VAMP4: variants seen among roughly 807,000 people sequenced by gnomAD.
The protein encoded by VAMP4 is vesicle associated membrane protein 4, also known as vesicle-associated membrane protein 4.
A neutral mutation model predicts 23.5 loss-of-function variants in VAMP4; 19 were observed. The ratio of observed to expected loss-of-function variants is 0.81; its 90% confidence interval spans 0.56 to 1.19. The LOEUF is 1.19. Among genes scored for constraint, VAMP4 ranks in the 50% most tolerant of loss-of-function variants. The pLI is 0.00. For synonymous variants in VAMP4, 31 were observed against 51.0 expected (o/e 0.61, Z 1.67); for missense variants, 145 against 168.6 (o/e 0.86, Z 0.78).
chr1:171,710,640 C>T (rs767349997), intron 5 of VAMP4, 74 bp downstream of exon 5: 13 of 1,141,972 alleles, frequency 1.1e-5, no homozygotes, highest in African/African-American at 9.7e-5. Context: ...GATTTGTAAA[C>T]GTTGGCTAGA....
chr1:171,724,990 C>T (rs1479202687), intron 3 of VAMP4, among the ~76,000 whole-genome samples: 1 of 152,092 alleles, frequency 6.6e-6, no homozygotes, highest in East Asian at 1.9e-4. Flanking sequence ...AGTTCTGTGG[C>T]ATTAAGTAAT....
chr1:171,708,112 A>T (rs1282768895), intron 6 of VAMP4, among the ~76,000 whole-genome samples: 1 of 152,114 alleles, frequency 6.6e-6, no homozygotes, highest in African/African-American at 2.4e-5. Flanking sequence ...CAGCCTGGCC[A>T]ACATAGTGAA....
intron 7 of VAMP4, 77 bp from the exon 8 acceptor site, chr1:171,704,611 G>T: frequency 9.5e-7 from 1 of 1,048,452 alleles, no homozygotes; most frequent in Non-Finnish European, 1.3e-6. Context: ...ATTCCTAAAT[G>T]TAGTTGTGTC....
intron 3 of VAMP4, among the ~76,000 whole-genome samples, chr1:171,719,828 T>C (rs1272075783): frequency 2.0e-5 from 3 of 152,056 alleles, no homozygotes; most frequent in African/African-American, 4.8e-5. Flanking sequence ...TAGTTGAGTG[T>C]ATATCACACC....
intron 6 of VAMP4, 60 bp downstream of exon 6, chr1:171,709,605 T>A: frequency 6.6e-7 from 1 of 1,517,618 alleles, no homozygotes; most frequent in Non-Finnish European, 9.1e-7. Context: ...TTTTTCTTCA[T>A]GTGTTTGAAT....
chr1:171,728,357 C>T (rs55670848), intron 3 of VAMP4, among the ~76,000 whole-genome samples, 167 bp downstream of exon 3: 26,355 of 152,108 alleles, frequency 0.17, 2,378 homozygotes, highest in Middle Eastern at 0.24. Flanking sequence ...TATGTCACAA[C>T]GTGCTACTCT....
intron 6 of VAMP4, 104 bp from the exon 7 acceptor site, chr1:171,706,522 T>G (rs1245708846): frequency 9.4e-7 from 1 of 1,058,320 alleles, no homozygotes; most frequent in African/African-American, 1.6e-5. Context: ...TCTCATCACC[T>G]TAAGGTTTCT....
At chr1:171,714,635 G>A (rs1654966975) in intron 4 of VAMP4, among the ~76,000 whole-genome samples, 1 of 152,150 alleles carries the variant, frequency 6.6e-6, no homozygotes, top group Non-Finnish European at 1.5e-5. Context: ...AGCCGAGCAT[G>A]GTGGTGTGCA....
At chr1:171,740,784 A>G (rs1223321821) in intron 1 of VAMP4, among the ~76,000 whole-genome samples, 3 of 152,336 alleles carry the variant, frequency 2.0e-5, no homozygotes, top group Non-Finnish European at 2.9e-5. Flanking sequence ...GACTTATATA[A>G]TGCCTTTATA....
rs1654727168 is a variant in VAMP4 at position 171,708,243 on chromosome 1, GGCAT to G, written c.345+1418_345+1421del. On this transcript the variant is annotated intron_variant, in intron 6 of 7. Transcript: ENST00000236192. ...GAACCTGGGCTACTTAGGAGGCTGAGGCATGAGAATCACTTGAACCTAGGAGGCA... is the reference window on the plus strand; with the variant it reads ...GAACCTGGGCTACTTAGGAGGCTGAGGAGAATCACTTGAACCTAGGAGGCA... Among the ~76,000 whole-genome samples the G allele has an allele frequency of 4.0e-5, 6 of 150,226 alleles. No individual in the cohort carries two copies. The South Asian group carries it at 1.3e-3, about 32-fold the overall frequency.
chr1:171,730,069 GA>G (rs1376759951), intron 2 of VAMP4, among the ~76,000 whole-genome samples: 1 of 152,176 alleles, frequency 6.6e-6, no homozygotes, highest in East Asian at 1.9e-4. Flanking sequence ...GGAAAAGCAA[GA>G]AAACAGTTTC....
intron 2 of VAMP4, among the ~76,000 whole-genome samples, chr1:171,729,343 C>T (rs548124089): frequency 4.6e-5 from 7 of 152,162 alleles, no homozygotes; most frequent in African/African-American, 7.2e-5. Flanking sequence ...GGGATGGGAC[C>T]GAAGTCTCAA....
intron 2 of VAMP4, among the ~76,000 whole-genome samples, chr1:171,731,443 A>G (rs1280282041): frequency 6.9e-6 from 1 of 145,234 alleles, no homozygotes; most frequent in Non-Finnish European, 1.5e-5. Flanking sequence ...ACAGGATTGC[A>G]ACAAATGCTA....
chr1:171,740,835 C>A (rs189321353), intron 1 of VAMP4, among the ~76,000 whole-genome samples: 2 of 152,294 alleles, frequency 1.3e-5, no homozygotes, highest in Admixed American at 1.3e-4. Context: ...TGAGCAAACA[C>A]CATATTCAGG....
chr1:171,724,082 A>T (rs1655284069), intron 3 of VAMP4, among the ~76,000 whole-genome samples: 1 of 152,166 alleles, frequency 6.6e-6, no homozygotes, highest in Non-Finnish European at 1.5e-5. Flanking sequence ...CCAAATGTCC[A>T]TCAGTGACAG....
intron 3 of VAMP4, among the ~76,000 whole-genome samples, chr1:171,723,068 G>A (rs1189382402): frequency 6.6e-6 from 1 of 152,124 alleles, no homozygotes; most frequent in African/African-American, 2.4e-5. Context: ...CGTGTCGGCA[G>A]GTTCTGTGAT....
At position 171,742,008 on chromosome 1, in the gene VAMP4, A is replaced by T. The variant is rs1655944019; in HGVS notation, c.-148T>A. 1 of 151,898 alleles carries T rather than the reference A, an allele frequency of 6.6e-6. No individual in the cohort carries two copies. Among genetic ancestry groups the T allele is most frequent in the Non-Finnish European group, 1.5e-5 (1 of 67,948 alleles). 9.4% of individuals were successfully genotyped at this position (151,898 alleles called of 1,614,324 possible). A position where few individuals can be genotyped will look rare whatever the true frequency, so the allele number is the denominator to read the frequency against. ...GCCGAGGTAAGAAGCTGGGAGGGGG[A>T]GACAGTTGGTGCGGACCCGGCGTCG... On this transcript the variant is annotated 5_prime_UTR_variant, in exon 1 of 8. Coordinates refer to ENST00000236192, the MANE Select transcript of VAMP4 (RefSeq NM_003762.5).
At chr1:171,707,112 T>C (rs1291896810) in intron 6 of VAMP4, among the ~76,000 whole-genome samples, 1 of 152,198 alleles carries the variant, frequency 6.6e-6, no homozygotes, top group Non-Finnish European at 1.5e-5. Context: ...ATTGTATTCA[T>C]GCAAGTCCAA....
chr1:171,722,796 A>G (rs1655237342), intron 3 of VAMP4, among the ~76,000 whole-genome samples: 1 of 152,180 alleles, frequency 6.6e-6, no homozygotes, highest in African/African-American at 2.4e-5. Context: ...GAACGCTTTT[A>G]CACTGTTGAT....
Sources: allele counts gnomAD v4.1 joint callset (sites outside exome capture counted in the v4.1 genomes callset), GRCh38; gene constraint gnomAD v4.1.1; transcripts MANE v1.5; gene names NCBI Gene and HGNC (gene_info 2026-07-23, HGNC 2026-07-21).